CCDC3: variants seen among roughly 807,000 people sequenced by gnomAD.
CCDC3 encodes the protein coiled-coil domain-containing protein 3.
A neutral mutation model predicts 21.4 loss-of-function variants in CCDC3; 24 were observed. The ratio of observed to expected loss-of-function variants is 1.12; its 90% confidence interval spans 0.81 to 1.58. The LOEUF (loss-of-function observed/expected upper bound fraction) is 1.58, where lower values mean the gene tolerates loss of function less well. CCDC3 is among the 40% of genes most tolerant of loss of function. The pLI, the probability that CCDC3 is intolerant of heterozygous loss-of-function variation, is 0.00. For missense variants in CCDC3, 425 were observed against 360.9 expected, an observed-to-expected ratio of 1.18 and a Z score of -1.44; for synonymous variants, 186 against 166.0, an observed-to-expected ratio of 1.12 and a Z score of -0.93.
intron 2 of CCDC3, among the ~76,000 whole-genome samples, chr10:12,901,920 G>A (rs1834099515): frequency 6.6e-6 from 1 of 152,162 alleles, no homozygotes; most frequent in Non-Finnish European, 1.5e-5. Context: ...CTGGAGCACT[G>A]TTCTCCCCAT....
chr10:12,943,716 T>C (rs900508941), intron 2 of CCDC3, among the ~76,000 whole-genome samples: 6 of 152,196 alleles, frequency 3.9e-5, no homozygotes, highest in Admixed American at 2.0e-4. Flanking sequence ...CTGGGCCCTA[T>C]GTAAATCAGA....
intron 2 of CCDC3, among the ~76,000 whole-genome samples, chr10:12,913,065 C>G (rs1338273211): frequency 6.6e-6 from 1 of 152,136 alleles, no homozygotes; most frequent in African/African-American, 2.4e-5. Context: ...CCTCAAGATT[C>G]CTTGGCTATT....
chr10:12,992,568 AT>A (rs1250414005), intron 2 of CCDC3, among the ~76,000 whole-genome samples: 2 of 152,122 alleles, frequency 1.3e-5, no homozygotes, highest in Non-Finnish European at 2.9e-5. Context: ...AAAATCAAAC[AT>A]TTTATGTTCT....
intron 5 of CCDC3, among the ~76,000 whole-genome samples, chr10:13,044,424 A>T (rs1836498586): frequency 6.6e-6 from 1 of 152,162 alleles, no homozygotes; most frequent in Non-Finnish European, 1.5e-5. Flanking sequence ...ATTCTTTCCT[A>T]AGACCAATGT....
At chr10:13,053,034 A>G (rs1014578215) in intron 4 of CCDC3, among the ~76,000 whole-genome samples, 1 of 151,738 alleles carries the variant, frequency 6.6e-6, no homozygotes, top group Non-Finnish European at 1.5e-5. Flanking sequence ...TTGCCTTCCA[A>G]TGGATCTTCT....
chr10:12,951,012 C>T (rs1589018765), intron 2 of CCDC3, among the ~76,000 whole-genome samples: 3 of 152,154 alleles, frequency 2.0e-5, no homozygotes, highest in East Asian at 1.9e-4. Flanking sequence ...GCTCACTCTG[C>T]ACAGTAGCTT....
At chr10:12,907,284 C>T (rs911977314) in intron 2 of CCDC3, among the ~76,000 whole-genome samples, 4 of 152,296 alleles carry the variant, frequency 2.6e-5, no homozygotes, top group Admixed American at 2.0e-4. Context: ...GGTGAAGAAG[C>T]TGGAGCTACC....
intron 3 of CCDC3, among the ~76,000 whole-genome samples, chr10:13,089,115 A>G (rs1434527793): frequency 6.6e-6 from 1 of 152,196 alleles, no homozygotes; most frequent in Non-Finnish European, 1.5e-5. Flanking sequence ...GTTCTGATTC[A>G]GATCCAAAAA....
At chr10:13,080,323 A>T (rs1837022232) in intron 3 of CCDC3, among the ~76,000 whole-genome samples, 1 of 152,244 alleles carries the variant, frequency 6.6e-6, no homozygotes, top group Non-Finnish European at 1.5e-5. Context: ...AATAGTGTAA[A>T]AGGAAGTCAG....
At chr10:13,001,124 G>C (rs978670989) in intron 1 of CCDC3, 73 bp downstream of exon 1, 1 of 1,494,902 alleles carries the variant, frequency 6.7e-7, no homozygotes, top group Non-Finnish European at 9.0e-7. Context: ...TTACCGGCCT[G>C]GCTCTAGGTA....
intron 2 of CCDC3, among the ~76,000 whole-genome samples, chr10:12,953,335 G>A (rs1051142568): frequency 1.1e-4 from 17 of 152,092 alleles, no homozygotes; most frequent in Non-Finnish European, 2.4e-4. Flanking sequence ...CACAACACAC[G>A]GGAATTCAAG....
intron 2 of CCDC3, among the ~76,000 whole-genome samples, chr10:12,965,506 C>T (rs940304110): frequency 5.9e-5 from 9 of 152,148 alleles, no homozygotes; most frequent in Non-Finnish European, 8.8e-5. Context: ...TATAAATTTA[C>T]GATTCCTACT....
intron 2 of CCDC3, among the ~76,000 whole-genome samples, chr10:12,959,514 G>C (rs140436833): frequency 8.7e-4 from 133 of 152,288 alleles, no homozygotes; most frequent in African/African-American, 3.0e-3. Context: ...CCTCAGCACA[G>C]TGCCTGGCTA....
chr10:13,032,695 TA>T (rs1271435653), intron 5 of CCDC3, among the ~76,000 whole-genome samples: 1 of 152,098 alleles, frequency 6.6e-6, no homozygotes, highest in African/African-American at 2.4e-5. Context: ...TATACACCAA[TA>T]ACAGACAAAC....
In CCDC3 at chr10:13,053,269, G is replaced by A. The variant is rs143998440; in HGVS notation, c.-269-3328C>T. Among the ~76,000 whole-genome samples, 33 of 152,194 alleles carry A rather than the reference G, an allele frequency of 2.2e-4. 1 individual carries two copies. The highest frequency in any genetic ancestry group is 4.1e-4 in the South Asian group (2 of 4,820). ...AAATATGTGACAACCACTGACTTAC[G>A]TAATAAAAGTACAAAGGGGTTGGGC... On this transcript the variant is annotated intron_variant, in intron 4 of 6. Coordinates refer to the CCDC3 transcript ENST00000378839.
rs1364909442 is a variant in CCDC3 at position 13,001,190 on chromosome 10, G to A, written c.374+7C>T. Reference sequence around the variant, plus strand: ...GAGAGAGGTGGCGGCGGCGCCGCCGGGCTCACCTGAGGAAGAAGAAATAGG... The same window carrying A: ...GAGAGAGGTGGCGGCGGCGCCGCCGAGCTCACCTGAGGAAGAAGAAATAGG... On this transcript the variant is annotated splice_region_variant and intron_variant, in intron 1 of 2. Coordinates refer to ENST00000378825, the MANE Select transcript of CCDC3 (RefSeq NM_031455.4). 3 of 1,547,746 alleles carry A rather than the reference G, an allele frequency of 1.9e-6. No homozygotes were observed. The highest frequency in any genetic ancestry group is 2.5e-5 in the East Asian group (1 of 40,448).
chr10:12,949,167 T>C (rs536753239), intron 2 of CCDC3, among the ~76,000 whole-genome samples: 2 of 152,176 alleles, frequency 1.3e-5, no homozygotes, highest in Non-Finnish European at 2.9e-5. Flanking sequence ...AGTGTTCCCC[T>C]TGTTTCCTCC....
At chr10:13,008,522 A>T (rs915875674) in intron 5 of CCDC3, among the ~76,000 whole-genome samples, 2 of 152,238 alleles carry the variant, frequency 1.3e-5, no homozygotes, top group African/African-American at 4.8e-5. Context: ...CAAATAAGCA[A>T]ATCTATTAAG....
chr10:12,902,743 C>T (rs778560302), intron 2 of CCDC3, among the ~76,000 whole-genome samples: 5 of 152,252 alleles, frequency 3.3e-5, no homozygotes, highest in Middle Eastern at 6.8e-3. Context: ...TTCTAAGACA[C>T]AACACTCTTC....
Sources: allele counts gnomAD v4.1 joint callset (sites outside exome capture counted in the v4.1 genomes callset), GRCh38; gene constraint gnomAD v4.1.1; transcripts MANE v1.5; gene names NCBI Gene and HGNC (gene_info 2026-07-23, HGNC 2026-07-21).